B3GALT1: variants seen among roughly 807,000 people sequenced by gnomAD.
B3GALT1 encodes the protein beta-1,3-galactosyltransferase 1, also known as UDP-Gal:betaGlcNAc beta 1,3-galactosyltransferase, polypeptide 1.
Under a neutral mutation model 23.2 loss-of-function variants are expected in B3GALT1, and 10 were observed. The ratio of observed to expected loss-of-function variants is 0.43; its 90% confidence interval spans 0.27 to 0.73. The LOEUF is 0.73. Ranked by LOEUF, B3GALT1 falls within the 30% of genes least tolerant of loss-of-function variation. The pLI, the probability that B3GALT1 is intolerant of heterozygous loss-of-function variation, is 0.21. For missense variants in B3GALT1, 299 were observed against 405.4 expected (o/e 0.74, Z 2.25); for synonymous variants, 156 against 141.5 (o/e 1.10, Z -0.73).
chr2:167,737,165 G>A (rs1302770254), intron 3 of B3GALT1, among the ~76,000 whole-genome samples: 1 of 152,118 alleles, frequency 6.6e-6, no homozygotes, highest in Admixed American at 6.5e-5. Flanking sequence ...GGCCTTACAG[G>A]AGCTTACATT....
At chr2:167,768,745 C>T (rs1190753195) in intron 3 of B3GALT1, among the ~76,000 whole-genome samples, 1 of 152,132 alleles carries the variant, frequency 6.6e-6, no homozygotes, top group African/African-American at 2.4e-5. Context: ...ACGCAGACAC[C>T]TGAAATTTCC....
intron 3 of B3GALT1, among the ~76,000 whole-genome samples, chr2:167,672,828 G>A (rs1037642205): frequency 6.6e-6 from 1 of 151,866 alleles, no homozygotes; most frequent in South Asian, 2.1e-4. Flanking sequence ...ATATAGATAA[G>A]GGACTCAGAT....
chr2:167,655,301 T>C (rs571324953), intron 3 of B3GALT1, among the ~76,000 whole-genome samples: 16 of 152,188 alleles, frequency 1.1e-4, no homozygotes, highest in Non-Finnish European at 1.9e-4. Flanking sequence ...TGCAATTTCA[T>C]AATATAGCTC....
chr2:167,432,593 A>G (rs1342552617), intron 1 of B3GALT1, among the ~76,000 whole-genome samples: 2 of 152,212 alleles, frequency 1.3e-5, no homozygotes, highest in African/African-American at 4.8e-5. Context: ...ATGAAAGTAG[A>G]AAATGAGGAA....
chr2:167,853,156 A>G lies in B3GALT1; in HGVS notation c.-229-15655A>G, dbSNP rs1423144324. On this transcript the variant is annotated intron_variant, in intron 4 of 4. Transcript: ENST00000392690. ...ATGATGTAGGTATGGTGGAGGAAAA[A>G]ATATTCAGATGATCAAAACCTCCCT... Among the ~76,000 whole-genome samples the G allele has an allele frequency of 2.0e-5, 3 of 152,196 alleles. No individual in the cohort carries two copies. In the East Asian group the frequency reaches 5.8e-4, roughly 29 times the overall value.
At chr2:167,715,188 A>T (rs925952930) in intron 3 of B3GALT1, 1 of 1,613,840 alleles carries the variant, frequency 6.2e-7, no homozygotes, top group African/African-American at 1.3e-5. Context: ...TTCACTTCTA[A>T]TTCCAAGTTA....
intron 1 of B3GALT1, among the ~76,000 whole-genome samples, chr2:167,317,705 G>A (rs577976146): frequency 2.0e-5 from 3 of 152,236 alleles, no homozygotes; most frequent in African/African-American, 7.2e-5. Flanking sequence ...AGGAATCATT[G>A]CATCATATGA....
Position 167,693,919 on chromosome 2 carries a change from G to T in B3GALT1, c.-352+46953G>T, listed in dbSNP as rs553600832. 3.9e-5 allele frequency among the ~76,000 whole-genome samples: 6 copies of T among 152,170 alleles called. No individual in the cohort carries two copies. The East Asian group carries it at 9.7e-4, about 25-fold the overall frequency. The stretch of plus-strand genomic sequence containing the variant: ...CTTCTCCCAGTTCTACTAGTTAGCT[G>T]GTCTGAGCTGGGCAGTTCTTCTTTT... On this transcript the variant is annotated intron_variant, in intron 3 of 4. Coordinates refer to ENST00000392690, the MANE Select transcript of B3GALT1 (RefSeq NM_020981.4).
intron 3 of B3GALT1, among the ~76,000 whole-genome samples, chr2:167,793,601 A>C (rs1030167095): frequency 2.0e-5 from 3 of 149,554 alleles, no homozygotes; most frequent in African/African-American, 7.6e-5. Flanking sequence ...GGAAAAGGAA[A>C]ATTCTAAAAG....
At chr2:167,533,136 C>T (rs1212363300) in intron 2 of B3GALT1, among the ~76,000 whole-genome samples, 2 of 152,104 alleles carry the variant, frequency 1.3e-5, no homozygotes, top group Non-Finnish European at 2.9e-5. Flanking sequence ...GCTGGAATTA[C>T]AGGCATGAGC....
intron 2 of B3GALT1, among the ~76,000 whole-genome samples, chr2:167,553,468 A>T (rs1683785547): frequency 1.3e-5 from 2 of 151,860 alleles, no homozygotes; most frequent in Non-Finnish European, 2.9e-5. Context: ...ATCTCGATTT[A>T]TGGGACCCCT....
intron 2 of B3GALT1, among the ~76,000 whole-genome samples, chr2:167,615,397 G>A (rs756645417): frequency 6.6e-6 from 1 of 151,928 alleles, no homozygotes; most frequent in Middle Eastern, 3.2e-3. Context: ...GGAGGGTGAG[G>A]AGAGTAGGAA....
intron 4 of B3GALT1, among the ~76,000 whole-genome samples, chr2:167,822,854 G>A (rs1214193752): frequency 6.6e-6 from 1 of 152,202 alleles, no homozygotes; most frequent in Non-Finnish European, 1.5e-5. Flanking sequence ...GCATCTCTCT[G>A]CATTGTACTA....
chr2:167,449,247 G>C (rs1009140295), intron 1 of B3GALT1, among the ~76,000 whole-genome samples: 4 of 152,098 alleles, frequency 2.6e-5, no homozygotes, highest in South Asian at 2.1e-4. Context: ...TCATTTGTTT[G>C]TGTCATCAGT....
Position 167,605,707 on chromosome 2 carries a change from C to T in B3GALT1, c.-409-41202C>T, listed in dbSNP as rs113817936. Among the ~76,000 whole-genome samples the T allele has an allele frequency of 3.8e-3, 577 of 152,330 alleles. 4 individuals are homozygous for T. The highest frequency in any genetic ancestry group is 0.014 in the African/African-American group (563 of 41,578). On this transcript the variant is annotated intron_variant, in intron 2 of 4. Transcript: ENST00000392690. ...AGAGTTGGAAAGAATTTGCAGCCAT[C>T]TTTATTTTACTGCATCTTTATTTTA...
At chr2:167,453,887 A>G (rs1169000633) in intron 1 of B3GALT1, among the ~76,000 whole-genome samples, 1 of 152,238 alleles carries the variant, frequency 6.6e-6, no homozygotes, top group Non-Finnish European at 1.5e-5. Flanking sequence ...TGATTGATAT[A>G]TCGGCTAAAG....
intron 1 of B3GALT1, among the ~76,000 whole-genome samples, chr2:167,407,606 A>T (rs1698306113): frequency 1.3e-5 from 2 of 152,134 alleles, no homozygotes; most frequent in Admixed American, 1.3e-4. Flanking sequence ...GCTAAGGACA[A>T]AAGAGAGAAG....
chr2:167,668,241 G>T (rs1037193621), intron 3 of B3GALT1, among the ~76,000 whole-genome samples: 1 of 152,016 alleles, frequency 6.6e-6, no homozygotes, highest in African/African-American at 2.4e-5. Flanking sequence ...CTGCTGGAGG[G>T]TGCCTCCCAG....
intron 1 of B3GALT1, among the ~76,000 whole-genome samples, chr2:167,466,241 G>T (rs535798718): frequency 6.6e-6 from 1 of 152,244 alleles, no homozygotes; most frequent in East Asian, 1.9e-4. Context: ...AATATCAAAA[G>T]AAACAATACA....
Sources: gnomAD v4.1 joint callset for allele counts (sites outside exome capture counted in the v4.1 genomes callset) on GRCh38, gnomAD v4.1.1 for gene constraint, MANE v1.5 for transcripts, NCBI Gene and HGNC (gene_info 2026-07-23, HGNC 2026-07-21) for gene names.